TRIO: variants seen among roughly 807,000 people sequenced by gnomAD.
TRIO encodes triple functional domain protein.
In TRIO, 58 loss-of-function variants were observed where a neutral mutation model predicts 351.9. The ratio of observed to expected loss-of-function variants is 0.16; its 90% CI spans 0.13 to 0.21. TRIO has a LOEUF of 0.21. Among genes scored for constraint, TRIO ranks in the 10% least tolerant of loss-of-function variants. The pLI is 1.00. For missense variants in TRIO, 3,201 were observed against 4,027.8 expected (o/e 0.79, Z 5.56); for synonymous variants, 1,758 against 1,595.7 (o/e 1.10, Z -2.42).
At chr5:14,155,773 G>T (rs1184079465) in intron 1 of TRIO, among the ~76,000 whole-genome samples, 2 of 152,144 alleles carry the variant, frequency 1.3e-5, no homozygotes, top group East Asian at 3.9e-4. Context: ...TGATCACTTG[G>T]TTCAGGTGAT....
At chr5:14,285,862 C>T (rs7380307) in intron 3 of TRIO, among the ~76,000 whole-genome samples, 131,297 of 152,184 alleles carry the variant, frequency 0.86, 57,151 homozygotes, top group African/African-American at 0.96. Context: ...GCAGCCTGCA[C>T]AGACTGTCAG....
intron 1 of TRIO, among the ~76,000 whole-genome samples, chr5:14,202,532 A>T (rs1791202661): frequency 6.6e-6 from 1 of 151,270 alleles, no homozygotes; most frequent in African/African-American, 2.4e-5. Flanking sequence ...CCAAACCCAA[A>T]TCTCATCTTT....
chr5:14,502,650 C>A lies in TRIO; in HGVS notation c.8404C>A (p.Leu2802Ile). ...FDSFYSEVAE[L>I]GRGRFSVVKK... ...CTCCTTCTACAGTGAAGTGGCTGAGCTTGGCAGGTATGATGCACAACCCAG... is the reference window on the plus strand; with the variant it reads ...CTCCTTCTACAGTGAAGTGGCTGAGATTGGCAGGTATGATGCACAACCCAG... The change falls in exon 54 of 57, where the codon CTT becomes ATT. Residue 2802 changes from leucine (L) to isoleucine (I), a missense_variant. Transcript: ENST00000344204. 6.2e-7 allele frequency: 1 copy of A among 1,614,180 alleles called. No individual in the cohort carries two copies. The highest frequency in any genetic ancestry group is 1.7e-5 in the Admixed American group (1 of 60,026).
chr5:14,388,617 A>C lies in TRIO; in HGVS notation c.3886A>C (p.Ile1296Leu). The change falls in exon 24 of 57, where the codon ATA becomes CTA. Residue 1296 changes from isoleucine (I) to leucine (L), a missense_variant. Physicochemically the swap from Ile to Leu is conservative, Grantham distance 5. This residue lies in a region of TRIO where 201 missense variants were observed against 266.5 expected (regional missense o/e 0.75). Transcript: ENST00000344204. Reference sequence around the variant, plus strand: ...CACTGTCTTCCTCTCTTTAAGGTTCATAATGGCTGAGCTCATTCAAACTGA... The same window carrying C: ...CACTGTCTTCCTCTCTTTAAGGTTCCTAATGGCTGAGCTCATTCAAACTGA... Reference protein sequence around the residue: ...KRKSARRKEFIMAELIQTEKA... With the variant: ...KRKSARRKEFLMAELIQTEKA... 1 of 1,613,832 alleles carries C rather than the reference A, an allele frequency of 6.2e-7. No individual in the cohort carries two copies. The highest frequency in any genetic ancestry group is 8.5e-7 in the Non-Finnish European group (1 of 1,179,958).
At chr5:14,182,921 C>A (rs1789881382) in intron 1 of TRIO, among the ~76,000 whole-genome samples, 1 of 150,870 alleles carries the variant, frequency 6.6e-6, no homozygotes, top group African/African-American at 2.5e-5. Context: ...CAGCTACAGG[C>A]ATTTGCGTGC....
In TRIO at chr5:14,449,280, G is replaced by T. The variant is rs1277281121; in HGVS notation, c.5204-11739G>T. Among the ~76,000 whole-genome samples, 5 of 152,318 alleles carry T rather than the reference G, an allele frequency of 3.3e-5. No homozygotes were observed. In the East Asian group the frequency reaches 9.6e-4, roughly 29 times the overall value. On this transcript the variant is annotated intron_variant, in intron 34 of 56. Transcript: ENST00000344204. The stretch of plus-strand genomic sequence containing the variant: ...TGCTTCCACGGCCGGTGGGATGAAA[G>T]ACGCCCTCTCGGCCCCATCTCTGCT...
intron 1 of TRIO, among the ~76,000 whole-genome samples, chr5:14,164,961 G>A (rs1375651097): frequency 1.3e-5 from 2 of 152,220 alleles, no homozygotes; most frequent in Non-Finnish European, 2.9e-5. Flanking sequence ...CCACAGAACA[G>A]ATGGCCCTTG....
At chr5:14,388,802 A>G (rs954620143) in intron 24 of TRIO, 123 bp downstream of exon 24, 3 of 1,135,248 alleles carry the variant, frequency 2.6e-6, no homozygotes, top group African/African-American at 3.1e-5. Context: ...ATTTTTTTAA[A>G]TGTAAAGTAT....
intron 1 of TRIO, among the ~76,000 whole-genome samples, chr5:14,256,979 TTGTC>T (rs1795057356): frequency 6.6e-6 from 1 of 152,240 alleles, no homozygotes; most frequent in South Asian, 2.1e-4. Context: ...GCTGGCATCT[TTGTC>T]TGTGTGTCCA....
At chr5:14,418,284 T>C (rs996309498) in intron 33 of TRIO, among the ~76,000 whole-genome samples, 9 of 151,908 alleles carry the variant, frequency 5.9e-5, no homozygotes, top group Admixed American at 5.9e-4. Flanking sequence ...GGCCTTTGTG[T>C]GTGAGGGTTT....
intron 34 of TRIO, among the ~76,000 whole-genome samples, chr5:14,427,626 G>C (rs1438476333): frequency 6.6e-6 from 1 of 152,176 alleles, no homozygotes; most frequent in Non-Finnish European, 1.5e-5. Context: ...TTGGAGGGGA[G>C]CCTCACCTCT....
At chr5:14,311,587 C>T (rs571802052) in intron 8 of TRIO, among the ~76,000 whole-genome samples, 2 of 152,302 alleles carry the variant, frequency 1.3e-5, no homozygotes, top group Admixed American at 6.5e-5. Context: ...GATTGTTTGG[C>T]CAAGGAATGT....
intron 3 of TRIO, among the ~76,000 whole-genome samples, chr5:14,281,348 C>T (rs1369756189): frequency 2.6e-5 from 4 of 151,682 alleles, no homozygotes; most frequent in African/African-American, 7.3e-5. Flanking sequence ...TCAGGTGCCA[C>T]ACACTTTTAA....
intron 20 of TRIO, among the ~76,000 whole-genome samples, chr5:14,379,926 C>A (rs1196154869): frequency 2.6e-5 from 4 of 152,220 alleles, no homozygotes; most frequent in East Asian, 3.9e-4. Context: ...TCTTGCTGAT[C>A]TTGCCTTGGC....
At chr5:14,299,297 T>G (rs1311574676) in intron 7 of TRIO, among the ~76,000 whole-genome samples, 1 of 152,200 alleles carries the variant, frequency 6.6e-6, no homozygotes, top group Non-Finnish European at 1.5e-5. Flanking sequence ...CAGAATTTCA[T>G]GGGACCCTGC....
In TRIO at chr5:14,374,191, G is replaced by T. The variant is rs373129069; in HGVS notation, c.3217-38G>T. ...GTACTCCAAATACACGTTTGTAGAA[G>T]TCAAATTAGCAACACATTGCTCTCC... On this transcript the variant is annotated intron_variant, in intron 18 of 56. Transcript: ENST00000344204. The T allele has an allele frequency of 7.1e-6, 11 of 1,558,056 alleles. No individual in the cohort carries two copies. In the African/African-American group the frequency reaches 1.5e-4, roughly 21 times the overall value.
intron 1 of TRIO, among the ~76,000 whole-genome samples, chr5:14,170,404 G>GT (rs1789025880): frequency 6.6e-6 from 1 of 151,516 alleles, no homozygotes; most frequent in African/African-American, 2.4e-5. Flanking sequence ...CCACCCTTCA[G>GT]TTTAACTTTT....
intron 2 of TRIO, among the ~76,000 whole-genome samples, chr5:14,276,899 G>A (rs370530983): frequency 1.3e-5 from 2 of 152,292 alleles, no homozygotes; most frequent in East Asian, 1.9e-4. Flanking sequence ...CAGGGTTTAA[G>A]GAAATAAGTG....
intron 11 of TRIO, among the ~76,000 whole-genome samples, chr5:14,349,641 A>G (rs1028433712): frequency 2.6e-5 from 4 of 152,204 alleles, no homozygotes; most frequent in South Asian, 2.1e-4. Flanking sequence ...CCTGTTTTCT[A>G]TCTTTTGCTT....
Sources: gnomAD v4.1 joint callset for allele counts (sites outside exome capture counted in the v4.1 genomes callset) on GRCh38, gnomAD v4.1.1 for gene constraint, gnomAD v4.1.1 regional missense constraint, MANE v1.5 for transcripts, NCBI Gene and HGNC (gene_info 2026-07-23, HGNC 2026-07-21) for gene names.